PPARGC1A: variants seen among roughly 807,000 people sequenced by gnomAD.
PPARGC1A encodes the protein peroxisome proliferator-activated receptor gamma coactivator 1-alpha.
Under a neutral mutation model 88.7 loss-of-function variants are expected in PPARGC1A, and 25 were observed. The ratio of observed to expected loss-of-function variants is 0.28; its 90% CI spans 0.21 to 0.39. PPARGC1A has a LOEUF of 0.39. Ranked by LOEUF, PPARGC1A falls within the 10% of genes least tolerant of loss-of-function variation. PPARGC1A has a pLI of 1.00. For missense variants in PPARGC1A, 880 were observed against 968.7 expected (o/e 0.91, Z 1.22); for synonymous variants, 363 against 355.6 (o/e 1.02, Z -0.24).
upstream of PPARGC1A, among the ~76,000 whole-genome samples, chr4:23,902,840 G>A (rs1203575636): frequency 6.6e-6 from 1 of 152,156 alleles, no homozygotes; most frequent in Non-Finnish European, 1.5e-5. Flanking sequence ...TGCCAAAAAC[G>A]ATTCAGTAAA....
At chr4:23,857,387 C>T (rs564368170) in intron 2 of PPARGC1A, among the ~76,000 whole-genome samples, 65 of 142,388 alleles carry the variant, frequency 4.6e-4, no homozygotes, top group Admixed American at 1.7e-3. Context: ...CACACACACA[C>T]GCACGTACTA....
At chr4:23,941,630 A>C in the PPARGC1A span, among the ~76,000 whole-genome samples, 2 of 152,160 alleles carry the variant, frequency 1.3e-5, no homozygotes, top group African/African-American at 4.8e-5. Flanking sequence ...TCCATGTCAG[A>C]GGGCACCTAG....
the PPARGC1A span, among the ~76,000 whole-genome samples, chr4:24,357,101 G>T: frequency 6.6e-6 from 1 of 152,188 alleles, no homozygotes; most frequent in Non-Finnish European, 1.5e-5. Context: ...ATCATCCAGA[G>T]GTTCCCAGCC....
chr4:24,303,293 A>C, the PPARGC1A span, among the ~76,000 whole-genome samples: 1 of 152,264 alleles, frequency 6.6e-6, no homozygotes, highest in African/African-American at 2.4e-5. Flanking sequence ...AGAGATTATC[A>C]ACATAGAAAG....
At chr4:24,154,433 A>G in the PPARGC1A span, among the ~76,000 whole-genome samples, 1 of 152,206 alleles carries the variant, frequency 6.6e-6, no homozygotes, top group Non-Finnish European at 1.5e-5. Context: ...GAACATTTGT[A>G]TTGTATGGCA....
the PPARGC1A span, among the ~76,000 whole-genome samples, chr4:24,260,237 C>T: frequency 3.9e-5 from 6 of 152,328 alleles, no homozygotes; most frequent in East Asian, 7.7e-4. Flanking sequence ...TGTCTGTCTA[C>T]GTCTACAAGC....
intron 7 of PPARGC1A, among the ~76,000 whole-genome samples, chr4:23,822,487 A>T (rs759666994): frequency 3.6e-4 from 54 of 152,046 alleles, no homozygotes; most frequent in Non-Finnish European, 6.6e-4. Context: ...CATTTTAAAA[A>T]ACTCTTTTGG....
At chr4:24,359,865 A>G in the PPARGC1A span, among the ~76,000 whole-genome samples, 1 of 152,340 alleles carries the variant, frequency 6.6e-6, no homozygotes, top group African/African-American at 2.4e-5. Flanking sequence ...AACAGTTCTC[A>G]GCCTCTAGAA....
chr4:24,067,610 A>C, the PPARGC1A span, among the ~76,000 whole-genome samples: 5 of 152,224 alleles, frequency 3.3e-5, no homozygotes, highest in Non-Finnish European at 5.9e-5. Context: ...CTTCGGAGGC[A>C]CAGGTTTAGC....
chr4:24,302,482 G>C, the PPARGC1A span, among the ~76,000 whole-genome samples: 1 of 152,182 alleles, frequency 6.6e-6, no homozygotes, highest in East Asian at 1.9e-4. Flanking sequence ...CTTAAACCGG[G>C]GCACTTTGAC....
At chr4:24,377,723 T>C in the PPARGC1A span, among the ~76,000 whole-genome samples, 3 of 152,156 alleles carry the variant, frequency 2.0e-5, no homozygotes, top group Non-Finnish European at 4.4e-5. Context: ...ATGTCAGTAA[T>C]AGGTATGTAA....
chr4:24,366,965 T>C, the PPARGC1A span, among the ~76,000 whole-genome samples: 2 of 152,318 alleles, frequency 1.3e-5, no homozygotes, highest in East Asian at 3.9e-4. Context: ...TTCAGGATTG[T>C]TATTTTATAT....
the PPARGC1A span, among the ~76,000 whole-genome samples, chr4:23,933,042 G>C: frequency 6.6e-6 from 1 of 152,216 alleles, no homozygotes; most frequent in Non-Finnish European, 1.5e-5. Flanking sequence ...TAAAGGGAAA[G>C]TGAAGTGAAA....
At chr4:24,099,209 A>G in the PPARGC1A span, among the ~76,000 whole-genome samples, 1 of 148,046 alleles carries the variant, frequency 6.8e-6, no homozygotes. Flanking sequence ...TAATGACTAG[A>G]TTGAATGAAA....
At chr4:24,150,556 C>T in the PPARGC1A span, among the ~76,000 whole-genome samples, 14 of 152,140 alleles carry the variant, frequency 9.2e-5, no homozygotes, top group Non-Finnish European at 1.5e-5. Flanking sequence ...ACCAAGAGGT[C>T]CTTTCTTTTC....
the PPARGC1A span, among the ~76,000 whole-genome samples, chr4:24,009,687 CTGATGAGATCTCA>C: frequency 6.6e-6 from 1 of 152,194 alleles, no homozygotes; most frequent in Non-Finnish European, 1.5e-5. Flanking sequence ...TGGAGGGAAA[CTGATGAGATCTCA>C]GTTTCAGAAC....
intron 2 of PPARGC1A, among the ~76,000 whole-genome samples, chr4:23,835,166 C>A (rs527608457): frequency 9.2e-5 from 14 of 152,240 alleles, no homozygotes; most frequent in African/African-American, 3.1e-4. Context: ...TACTACAAGC[C>A]GTTATTTGCT....
chr4:23,809,377 A>C (rs1415824029), intron 10 of PPARGC1A, among the ~76,000 whole-genome samples: 1 of 152,190 alleles, frequency 6.6e-6, no homozygotes, highest in Non-Finnish European at 1.5e-5. Context: ...TTTAGCATGA[A>C]TTATAGGACC....
the PPARGC1A span, among the ~76,000 whole-genome samples, chr4:24,148,481 C>G: frequency 6.6e-6 from 1 of 152,300 alleles, no homozygotes; most frequent in South Asian, 2.1e-4. Context: ...CCACCTTTCC[C>G]TATTTGTGGA....
Sources: allele counts gnomAD v4.1 joint callset (sites outside exome capture counted in the v4.1 genomes callset), GRCh38; gene constraint gnomAD v4.1.1; transcripts MANE v1.5; gene names NCBI Gene and HGNC (gene_info 2026-07-23, HGNC 2026-07-21).